Variants in APBA2 observed in about 807,000 individuals in gnomAD.
APBA2 encodes the protein amyloid beta precursor protein binding family A member 2.
In APBA2, 30 loss-of-function variants were observed where a neutral mutation model predicts 75.0. That is an observed-to-expected ratio of 0.40 (90% CI 0.30 to 0.54). The LOEUF (loss-of-function observed/expected upper bound fraction) is 0.54, where lower values mean the gene tolerates loss of function less well. Among genes scored for constraint, APBA2 ranks in the 20% least tolerant of loss-of-function variants. The pLI is 0.49. For synonymous variants in APBA2, 444 were observed against 409.6 expected (o/e 1.08, Z -1.01); for missense variants, 801 against 1,016.1 (o/e 0.79, Z 2.88).
At chr15:28,993,857 GT>G (rs2038367522) in intron 2 of APBA2, among the ~76,000 whole-genome samples, 1 of 152,182 alleles carries the variant, frequency 6.6e-6, no homozygotes, top group Non-Finnish European at 1.5e-5. Context: ...CCAGGAGCAA[GT>G]GGGAAAAGCT....
chr15:28,889,663 GCTCTTTCC>G (rs1440633251), intron 1 of APBA2, among the ~76,000 whole-genome samples: 4 of 152,236 alleles, frequency 2.6e-5, no homozygotes, highest in Admixed American at 2.6e-4. Flanking sequence ...CTGAATGTGG[GCTCTTTCC>G]CTCTTATTCC....
intron 3 of APBA2, among the ~76,000 whole-genome samples, chr15:29,043,097 G>A (rs1017396412): frequency 6.6e-6 from 1 of 152,096 alleles, no homozygotes; most frequent in African/African-American, 2.4e-5. Context: ...AGCAAATACC[G>A]GCCAGGCCAG....
chr15:29,094,390 G>A (rs8037972), intron 8 of APBA2, 77 bp downstream of exon 8: 1,358,452 of 1,434,164 alleles, frequency 0.95, 653,236 homozygotes, highest in Non-Finnish European at 0.98. Context: ...GTGGGGGCTG[G>A]GGGGTTCCCC....
At chr15:29,103,944 G>A (rs2044267183) in intron 10 of APBA2, among the ~76,000 whole-genome samples, 1 of 152,202 alleles carries the variant, frequency 6.6e-6, no homozygotes, top group Admixed American at 6.5e-5. Context: ...GTCCCCGGGC[G>A]TCGCGCCTCC....
chr15:28,970,978 G>A (rs565235305), intron 2 of APBA2, among the ~76,000 whole-genome samples: 1 of 152,258 alleles, frequency 6.6e-6, no homozygotes, highest in East Asian at 1.9e-4. Context: ...GTGCCTTGAT[G>A]TCTCCTAAGC....
intron 3 of APBA2, among the ~76,000 whole-genome samples, chr15:29,013,516 C>T (rs1008885849): frequency 6.6e-6 from 1 of 152,106 alleles, no homozygotes; most frequent in Non-Finnish European, 1.5e-5. Flanking sequence ...GTCCTGACCT[C>T]GTGATCCACC....
intron 13 of APBA2, among the ~76,000 whole-genome samples, chr15:29,111,683 G>T (rs2044740149): frequency 6.6e-6 from 1 of 152,116 alleles, no homozygotes; most frequent in South Asian, 2.1e-4. Flanking sequence ...GAGGGTAGGG[G>T]TCTGGCTGTC....
At chr15:29,115,565 G>A (rs577031703) in intron 14 of APBA2, among the ~76,000 whole-genome samples, 78 of 152,330 alleles carry the variant, frequency 5.1e-4, no homozygotes, top group East Asian at 1.9e-4. Flanking sequence ...GGGAGAACGG[G>A]GAAGAGGCAG....
At chr15:28,996,836 CT>C (rs1470544793) in intron 3 of APBA2, among the ~76,000 whole-genome samples, 2 of 152,192 alleles carry the variant, frequency 1.3e-5, no homozygotes, top group African/African-American at 4.8e-5. Context: ...AACACCCCCC[CT>C]GCCTGACCAA....
In APBA2 at chr15:29,053,877, C is replaced by T. The variant is rs765516950; in HGVS notation, c.-8C>T. On this transcript the variant is annotated 5_prime_UTR_variant, in exon 4 of 15. In the 5' UTR this introduces an upstream ATG that the reference lacks. Coordinates refer to ENST00000683413, the MANE Select transcript of APBA2 (RefSeq NM_001353788.2). ...CTCCGGGTGATGATGGCTGTGTGAA[C>T]GACTGCCATGGCCCACCGGAAGCTT... is the stretch of plus-strand genomic sequence containing the variant. 2.0e-5 allele frequency: 32 copies of T among 1,608,120 alleles called. 4 individuals are homozygous for T. In the Admixed American group the frequency reaches 2.2e-4, roughly 11 times the overall value.
At chr15:29,070,257 A>G (rs1420322881) in intron 4 of APBA2, among the ~76,000 whole-genome samples, 3 of 152,260 alleles carry the variant, frequency 2.0e-5, no homozygotes, top group South Asian at 2.1e-4. Context: ...TTTTACCATA[A>G]TAAGCAATTG....
At chr15:29,090,269 G>A (rs941857641) in intron 6 of APBA2, among the ~76,000 whole-genome samples, 2 of 152,238 alleles carry the variant, frequency 1.3e-5, no homozygotes, top group Non-Finnish European at 2.9e-5. Flanking sequence ...GGCATCCGTG[G>A]GTGCCAGTGG....
At chr15:29,040,819 T>G (rs1471131135) in intron 3 of APBA2, among the ~76,000 whole-genome samples, 1 of 152,240 alleles carries the variant, frequency 6.6e-6, no homozygotes, top group African/African-American at 2.4e-5. Context: ...CAAAAAAATC[T>G]GACTAATTCT....
rs1330449912 is a variant in APBA2 at position 29,069,103 on chromosome 15, G to A, written c.952-5818G>A. ...TATTCCGGATATTCCATAAAGATAG[G>A]ATCAGACAATATGTGCCCTTTAGTG... On this transcript the variant is annotated intron_variant, in intron 4 of 14. Coordinates refer to ENST00000683413, the MANE Select transcript of APBA2 (RefSeq NM_001353788.2). 5.9e-5 allele frequency among the ~76,000 whole-genome samples: 9 copies of A among 152,172 alleles called. No individual in the cohort carries two copies. In the South Asian group the frequency reaches 6.2e-4, roughly 11 times the overall value.
At chr15:29,037,726 T>C (rs2040819470) in intron 3 of APBA2, among the ~76,000 whole-genome samples, 1 of 152,102 alleles carries the variant, frequency 6.6e-6, no homozygotes, top group South Asian at 2.1e-4. Context: ...GTTTATTGGC[T>C]CAAAGTTCTG....
chr15:29,040,523 G>A (rs1205796138), intron 3 of APBA2, among the ~76,000 whole-genome samples: 1 of 152,176 alleles, frequency 6.6e-6, no homozygotes, highest in African/African-American at 2.4e-5. Flanking sequence ...ACCGTGGCCC[G>A]GGTCCCAGAC....
chr15:28,921,302 G>A (rs1020178152), intron 1 of APBA2, among the ~76,000 whole-genome samples: 1 of 152,136 alleles, frequency 6.6e-6, no homozygotes, highest in Non-Finnish European at 1.5e-5. Flanking sequence ...ATTGAAAAAT[G>A]TACTCCCCAC....
At chr15:29,084,355 T>C (rs1441504732) in intron 6 of APBA2, among the ~76,000 whole-genome samples, 6 of 152,180 alleles carry the variant, frequency 3.9e-5, no homozygotes, top group African/African-American at 1.4e-4. Flanking sequence ...AACACCTTTT[T>C]GAAAGATCTA....
At chr15:28,902,268 A>G (rs1300005782) in intron 1 of APBA2, among the ~76,000 whole-genome samples, 2 of 152,176 alleles carry the variant, frequency 1.3e-5, no homozygotes, top group East Asian at 3.9e-4. Flanking sequence ...GGAGGAGGGC[A>G]CTTTCCTTCT....
Sources: allele counts gnomAD v4.1 joint callset (sites outside exome capture counted in the v4.1 genomes callset), GRCh38; gene constraint gnomAD v4.1.1; transcripts MANE v1.5; gene names NCBI Gene and HGNC (gene_info 2026-07-23, HGNC 2026-07-21).